SCRG1: variants seen among roughly 807,000 people sequenced by gnomAD.
The protein encoded by SCRG1 is scrapie-responsive protein 1.
Under a neutral mutation model 7.7 loss-of-function variants are expected in SCRG1, and 3 were observed. That is an observed-to-expected ratio of 0.39 (90% CI 0.18 to 1.01). The LOEUF (loss-of-function observed/expected upper bound fraction) is 1.01. Ranked by LOEUF, SCRG1 falls within the 50% of genes least tolerant of loss-of-function variation. The pLI, the probability that SCRG1 is intolerant of heterozygous loss-of-function variation, is 0.36. For synonymous variants in SCRG1, 46 were observed against 41.2 expected, an observed-to-expected ratio of 1.12 and a Z score of -0.44; for missense variants, 110 against 117.2, an observed-to-expected ratio of 0.94 and a Z score of 0.28.
chr4:173,490,640 C>A, the SCRG1 span, among the ~76,000 whole-genome samples: 4 of 152,178 alleles, frequency 2.6e-5, no homozygotes, highest in East Asian at 1.9e-4. Flanking sequence ...ACTTTTATTT[C>A]AATGCCTTGA....
the SCRG1 span, among the ~76,000 whole-genome samples, chr4:173,438,293 T>G: frequency 1.3e-5 from 2 of 151,160 alleles, no homozygotes; most frequent in South Asian, 4.2e-4. Flanking sequence ...TTTTTTTTTT[T>G]GTATTTTTTT....
At chr4:173,506,718 T>C in the SCRG1 span, among the ~76,000 whole-genome samples, 1 of 152,188 alleles carries the variant, frequency 6.6e-6, no homozygotes, top group Non-Finnish European at 1.5e-5. The surrounding 1 kb of genome is among the most constrained non-coding windows in gnomAD (Gnocchi z 5.3). Flanking sequence ...CTTCACTTCC[T>C]GGATTTGAAG....
At chr4:173,452,679 A>G in the SCRG1 span, among the ~76,000 whole-genome samples, 1 of 152,102 alleles carries the variant, frequency 6.6e-6, no homozygotes, top group Non-Finnish European at 1.5e-5. Context: ...TATTTTTTTT[A>G]AAGACCCTGC....
At chr4:173,482,941 A>T in the SCRG1 span, among the ~76,000 whole-genome samples, 10,082 of 135,910 alleles carry the variant, frequency 0.074, 516 homozygotes, top group Non-Finnish European at 0.1. Context: ...TTATATATGA[A>T]ATATATAATA....
chr4:173,419,805 C>A, the SCRG1 span: 3 of 1,464,022 alleles, frequency 2.0e-6, no homozygotes, highest in Non-Finnish European at 2.8e-6. Flanking sequence ...CCAGTCACCT[C>A]CACTTGGCCT....
the SCRG1 span, among the ~76,000 whole-genome samples, chr4:173,496,650 G>A: frequency 6.6e-6 from 1 of 152,192 alleles, no homozygotes; most frequent in African/African-American, 2.4e-5. Flanking sequence ...TTGCAAACAG[G>A]CATCAAGTAC....
In SCRG1 at chr4:173,387,705, CTTTTTTTTTTTTT is replaced by C. The variant is rs749325462; in HGVS notation, c.*623_*635del. On this transcript the variant is annotated 3_prime_UTR_variant, in exon 3 of 3. Transcript: ENST00000296506. The stretch of plus-strand genomic sequence containing the variant: ...TACCCTCAAATATTGTTCCCTTTTC[CTTTTTTTTTTTTT>C]TTTTTTTTTTTCGAGACAGGGTCTT... The C allele has an allele frequency of 1.5e-5, 1 of 66,962 alleles. No homozygotes were observed. The highest frequency in any genetic ancestry group is 2.1e-4 in the Admixed American group (1 of 4,862). The allele number at this position is 66,962 out of a possible 1,614,324, so 4.1% of individuals were successfully genotyped here.
chr4:173,488,089 G>A, the SCRG1 span, among the ~76,000 whole-genome samples: 2 of 144,868 alleles, frequency 1.4e-5, no homozygotes, highest in African/African-American at 5.2e-5. Context: ...TATAGAGTGA[G>A]ACTCTGTCTA....
chr4:173,417,044 C>T, the SCRG1 span, among the ~76,000 whole-genome samples: 1 of 148,262 alleles, frequency 6.7e-6, no homozygotes, highest in South Asian at 2.2e-4. Context: ...CACACACACC[C>T]CACACACAAT....
chr4:173,469,294 G>A, the SCRG1 span: 5 of 151,904 alleles, frequency 3.3e-5, no homozygotes, highest in Non-Finnish European at 5.9e-5. Flanking sequence ...ATCTTTTTAG[G>A]ATTTGGATAA....
At chr4:173,444,969 T>C in the SCRG1 span, among the ~76,000 whole-genome samples, 1 of 152,166 alleles carries the variant, frequency 6.6e-6, no homozygotes, top group Non-Finnish European at 1.5e-5. Flanking sequence ...ATTGATACTA[T>C]TGTATTCCTG....
At chr4:173,445,328 A>G in the SCRG1 span, among the ~76,000 whole-genome samples, 1 of 152,120 alleles carries the variant, frequency 6.6e-6, no homozygotes, top group East Asian at 1.9e-4. Flanking sequence ...CATGCCTGTA[A>G]TCCCAGCATT....
chr4:173,411,391 G>A, the SCRG1 span, among the ~76,000 whole-genome samples: 1 of 152,148 alleles, frequency 6.6e-6, no homozygotes, highest in African/African-American at 2.4e-5. Context: ...GCAGCAAACA[G>A]TAAATAATGT....
chr4:173,478,371 GAAAAAAACAAAAAAC>G, the SCRG1 span, among the ~76,000 whole-genome samples: 1 of 149,580 alleles, frequency 6.7e-6, no homozygotes, highest in African/African-American at 2.5e-5. Flanking sequence ...CTTGATGGAA[GAAAAAAACAAAAAAC>G]AAAAAACAAA....
At chr4:173,434,840 A>G in the SCRG1 span, among the ~76,000 whole-genome samples, 2 of 152,120 alleles carry the variant, frequency 1.3e-5, no homozygotes, top group Admixed American at 6.5e-5. Context: ...CTAAATAAAT[A>G]AATAAATATA....
intron 1 of SCRG1, among the ~76,000 whole-genome samples, chr4:173,396,946 A>G (rs564424456): frequency 6.6e-6 from 1 of 152,090 alleles, no homozygotes; most frequent in South Asian, 2.1e-4. Context: ...CCAGCTACTC[A>G]GGAGGCTGAG....
the SCRG1 span, among the ~76,000 whole-genome samples, chr4:173,434,573 G>A: frequency 6.6e-6 from 1 of 152,218 alleles, no homozygotes; most frequent in Non-Finnish European, 1.5e-5. Flanking sequence ...GCTCACGCCT[G>A]TAATCCTAGC....
At chr4:173,445,490 G>A in the SCRG1 span, among the ~76,000 whole-genome samples, 1 of 150,694 alleles carries the variant, frequency 6.6e-6, no homozygotes, top group East Asian at 2.0e-4. Context: ...GCTGAGGCAG[G>A]AGAATCGCTT....
chr4:173,476,363 A>AAATATATATATATATATATATATAT, the SCRG1 span, among the ~76,000 whole-genome samples: 11 of 98,500 alleles, frequency 1.1e-4, no homozygotes, highest in African/African-American at 3.4e-4. Flanking sequence ...GGAAAAAAAA[A>AAATATATATATATATATATATATAT]ATATATATAT....
Sources: allele counts gnomAD v4.1 joint callset (sites outside exome capture counted in the v4.1 genomes callset), GRCh38; gene constraint gnomAD v4.1.1; non-coding constraint Gnocchi (gnomAD v3.1); transcripts MANE v1.5; gene names NCBI Gene and HGNC (gene_info 2026-07-23, HGNC 2026-07-21).